The following ADCY8 variants were observed in gnomAD, a reference collection of about 807,000 sequenced individuals.
ADCY8 encodes the protein adenylate cyclase type 8.
ADCY8 carries 51 observed loss-of-function variants against 119.7 expected under a neutral mutation model. That is an observed-to-expected ratio of 0.43 (90% confidence interval 0.34 to 0.54). The LOEUF is 0.54. Ranked by LOEUF, ADCY8 falls within the 20% of genes least tolerant of loss-of-function variation. The pLI, the probability that ADCY8 is intolerant of heterozygous loss-of-function variation, is 0.03. For missense variants in ADCY8, 1,383 were observed against 1,598.8 expected (o/e 0.87, Z 2.30); for synonymous variants, 665 against 651.0 (o/e 1.02, Z -0.33).
intron 5 of ADCY8, among the ~76,000 whole-genome samples, chr8:130,922,722 G>A (rs559906209): frequency 6.6e-6 from 1 of 152,250 alleles, no homozygotes; most frequent in South Asian, 2.1e-4. Context: ...TGAGCTGTTG[G>A]GTACACCTCG....
At chr8:130,879,572 TTC>T (rs1215436518) in intron 8 of ADCY8, among the ~76,000 whole-genome samples, 1 of 152,168 alleles carries the variant, frequency 6.6e-6, no homozygotes, top group Non-Finnish European at 1.5e-5. Flanking sequence ...TAAATGTGAA[TTC>T]TCTTTCACCC....
intron 9 of ADCY8, among the ~76,000 whole-genome samples, chr8:130,858,732 A>C (rs1357111513): frequency 6.6e-6 from 1 of 152,212 alleles, no homozygotes; most frequent in Non-Finnish European, 1.5e-5. Context: ...CATGGGAGAC[A>C]TATCATTAAT....
intron 1 of ADCY8, among the ~76,000 whole-genome samples, chr8:131,011,036 A>G (rs1291699663): frequency 6.6e-6 from 1 of 152,236 alleles, no homozygotes; most frequent in Non-Finnish European, 1.5e-5. Flanking sequence ...GTCATAACAC[A>G]TGAAACAGAT....
At chr8:130,801,338 C>G (rs1815770281) in intron 14 of ADCY8, among the ~76,000 whole-genome samples, 2 of 152,120 alleles carry the variant, frequency 1.3e-5, no homozygotes, top group African/African-American at 4.8e-5. Flanking sequence ...TGACTTACCT[C>G]TGTTCCAATC....
rs769427622 is a variant in ADCY8, at chr8:130,836,468, G to T, written c.2503-19C>A. On this transcript the variant is annotated intron_variant, in intron 11 of 17. Transcript: ENST00000286355. ...CAAAGTACTGGAAACAGAGAATGCA[G>T]GTGGTCAGATTCAATGGGGGCAGCA... is the stretch of plus-strand genomic sequence containing the variant. 1.9e-6 allele frequency: 3 copies of T among 1,610,014 alleles called. No individual in the cohort carries two copies. Among genetic ancestry groups the T allele is most frequent in the Middle Eastern group, 1.7e-4 (1 of 5,766 alleles).
intron 5 of ADCY8, among the ~76,000 whole-genome samples, chr8:130,912,601 T>C (rs940938488): frequency 6.6e-6 from 1 of 152,208 alleles, no homozygotes; most frequent in Non-Finnish European, 1.5e-5. Context: ...TCTCTGTTCT[T>C]AAATTGTAAG....
chr8:130,993,727 G>A (rs189941609), intron 1 of ADCY8, among the ~76,000 whole-genome samples: 1 of 152,208 alleles, frequency 6.6e-6, no homozygotes. Flanking sequence ...ATGATTGTGA[G>A]GCCTCCCCAG....
intron 2 of ADCY8, among the ~76,000 whole-genome samples, chr8:130,959,609 T>G (rs1821538372): frequency 6.6e-6 from 1 of 152,202 alleles, no homozygotes; most frequent in Non-Finnish European, 1.5e-5. Flanking sequence ...TGTAACAAGT[T>G]ATGTGAAAGA....
chr8:130,783,132 AG>A (rs1378134996), intron 17 of ADCY8, among the ~76,000 whole-genome samples: 3 of 152,332 alleles, frequency 2.0e-5, no homozygotes, highest in East Asian at 3.9e-4. Context: ...GCAAATATAA[AG>A]GATTATTATT....
At chr8:131,016,368 G>A (rs988854321) in intron 1 of ADCY8, among the ~76,000 whole-genome samples, 26 of 152,270 alleles carry the variant, frequency 1.7e-4, no homozygotes, top group Middle Eastern at 3.4e-3. Context: ...GCTAGGCATG[G>A]TAGCACACGA....
chr8:130,904,972 T>C (rs551859998), intron 6 of ADCY8, among the ~76,000 whole-genome samples: 2 of 152,312 alleles, frequency 1.3e-5, no homozygotes, highest in South Asian at 4.2e-4. Context: ...ATCTCCTAGA[T>C]TCAAACCGTA....
intron 2 of ADCY8, among the ~76,000 whole-genome samples, chr8:130,983,688 CT>C (rs1389540138): frequency 6.6e-6 from 1 of 152,080 alleles, no homozygotes; most frequent in Non-Finnish European, 1.5e-5. Flanking sequence ...AATCCTGGGG[CT>C]TTCTCACATT....
chr8:131,005,109 G>T (rs561938935), intron 1 of ADCY8, among the ~76,000 whole-genome samples: 2 of 152,134 alleles, frequency 1.3e-5, no homozygotes, highest in Non-Finnish European at 2.9e-5. Context: ...ACATGCAAAA[G>T]AAAAAATAAA....
At chr8:130,852,222 C>G (rs959553088) in intron 9 of ADCY8, among the ~76,000 whole-genome samples, 1 of 152,138 alleles carries the variant, frequency 6.6e-6, no homozygotes, top group Admixed American at 6.5e-5. Context: ...GAAAGTGACT[C>G]CTCCCACAGC....
intron 8 of ADCY8, among the ~76,000 whole-genome samples, chr8:130,874,259 G>A (rs1207968503): frequency 6.6e-6 from 1 of 151,916 alleles, no homozygotes; most frequent in Non-Finnish European, 1.5e-5. Flanking sequence ...AGTGAGCCGA[G>A]ATGGCACCAC....
chr8:130,926,940 C>CATATATATATATATATATAT (rs10572208), intron 5 of ADCY8, among the ~76,000 whole-genome samples: 1,808 of 144,602 alleles, frequency 0.013, 42 homozygotes, highest in African/African-American at 0.046. Flanking sequence ...TATTCCATTA[C>CATATATATATATATATATAT]ATATATATAT....
intron 12 of ADCY8, among the ~76,000 whole-genome samples, chr8:130,825,663 A>G (rs1303111528): frequency 3.3e-5 from 5 of 152,242 alleles, no homozygotes; most frequent in African/African-American, 1.2e-4. Context: ...GTCTTTATGC[A>G]GACATTGTTT....
chr8:130,887,591 T>G (rs181147188), intron 7 of ADCY8, among the ~76,000 whole-genome samples: 12 of 152,276 alleles, frequency 7.9e-5, no homozygotes, highest in Admixed American at 2.0e-4. Context: ...CAGCAACCTC[T>G]CTAGCACCTA....
At position 130,964,182 on chromosome 8, in the gene ADCY8, C is replaced by T. The variant is rs74702872; in HGVS notation, c.1111-12184G>A. Reference sequence around the variant, plus strand: ...ACCTGTACCACCTTAGTGTGGTAGACGCTCTCTTGGCTGACATCCATTTAA... The same window carrying T: ...ACCTGTACCACCTTAGTGTGGTAGATGCTCTCTTGGCTGACATCCATTTAA... On this transcript the variant is annotated intron_variant, in intron 2 of 17. Coordinates refer to ENST00000286355, the MANE Select transcript of ADCY8 (RefSeq NM_001115.3). Among the ~76,000 whole-genome samples, 1,085 of 152,334 alleles carry T rather than the reference C, an allele frequency of 7.1e-3. 13 individuals are homozygous for T. The highest frequency in any genetic ancestry group is 0.022 in the African/African-American group (923 of 41,580).
Sources: gnomAD v4.1 joint callset for allele counts (sites outside exome capture counted in the v4.1 genomes callset) on GRCh38, gnomAD v4.1.1 for gene constraint, MANE v1.5 for transcripts, NCBI Gene and HGNC (gene_info 2026-07-23, HGNC 2026-07-21) for gene names.